MIX23: variants seen among roughly 807,000 people sequenced by gnomAD.
The protein encoded by MIX23 is protein MIX23.
MIX23 carries 13 observed loss-of-function variants against 21.6 expected under a neutral mutation model. That is an observed-to-expected ratio of 0.60 (90% CI 0.39 to 0.96). The LOEUF is 0.96. Ranked by LOEUF, MIX23 falls within the 40% of genes least tolerant of loss-of-function variation. The pLI is 0.00. For synonymous variants in MIX23, 59 were observed against 58.0 expected (o/e 1.02, Z -0.08); for missense variants, 144 against 171.2 (o/e 0.84, Z 0.89).
chr3:122,374,918 C>T lies in MIX23; in HGVS notation c.52-3118G>A, dbSNP rs373034800. On this transcript the variant is annotated intron_variant, in intron 1 of 4. Coordinates refer to ENST00000291458, the MANE Select transcript of MIX23 (RefSeq NM_001017928.4). ...CAGATAGACATCAAAAAAGGCTTTT[C>T]TGAGGATGTAACATTTGCGCTAAAA... Among the ~76,000 whole-genome samples the T allele has an allele frequency of 6.6e-5, 10 of 152,296 alleles. 1 individual carries two copies. Among genetic ancestry groups the T allele is most frequent in the East Asian group, 3.9e-4 (2 of 5,188 alleles).
chr3:122,367,118 A>C (rs2075402874), intron 3 of MIX23, among the ~76,000 whole-genome samples: 1 of 151,190 alleles, frequency 6.6e-6, no homozygotes, highest in Non-Finnish European at 1.5e-5. Context: ...AGACAGGGAG[A>C]GGGAGGAAGG....
In MIX23 at chr3:122,371,800, C is replaced by A; in HGVS notation, c.52G>T (p.Glu18Ter). The change falls in exon 2 of 5, where the codon GAA (glutamate) becomes TAA (stop). Residue 18 changes from glutamate (E) to a stop codon, truncating the protein, a stop_gained and splice_region_variant. Coordinates refer to ENST00000291458, the MANE Select transcript of MIX23 (RefSeq NM_001017928.4). LOFTEE classifies it high-confidence loss of function. ...VNCEEFAEFQ[E>*]LLKVMRTIDD... ...ATTGTCCTCATCACCTTGAGTAATT[C>A]CTATATGTATTTAAAATAAAAGAAT... 1.3e-6 allele frequency: 2 copies of A among 1,585,232 alleles called. No homozygotes were observed. Among genetic ancestry groups the A allele is most frequent in the Non-Finnish European group, 1.7e-6 (2 of 1,159,346 alleles).
intron 1 of MIX23, among the ~76,000 whole-genome samples, chr3:122,373,873 C>G (rs555561114): frequency 1.3e-5 from 2 of 152,040 alleles, no homozygotes; most frequent in African/African-American, 2.4e-5. Flanking sequence ...TCTTCTCGTC[C>G]TGTATCTTTC....
At chr3:122,362,517 TG>T (rs2075365212) in intron 4 of MIX23, among the ~76,000 whole-genome samples, 3 of 152,036 alleles carry the variant, frequency 2.0e-5, no homozygotes, top group Admixed American at 2.0e-4. Flanking sequence ...AGTCTCATTC[TG>T]TTGCCCAGGC....
Position 122,381,135 on chromosome 3 carries a change from G to A in MIX23, c.51+2039C>T, listed in dbSNP as rs149295843. ...ATACCCCTAGTCCCTGCCTGCCTAAGGCCCAACTCTCTAAATTCTTTCAGC... is the reference window on the plus strand; with the variant it reads ...ATACCCCTAGTCCCTGCCTGCCTAAAGCCCAACTCTCTAAATTCTTTCAGC... On this transcript the variant is annotated intron_variant, in intron 1 of 4. Coordinates refer to ENST00000291458, the MANE Select transcript of MIX23 (RefSeq NM_001017928.4). 2.7e-3 allele frequency among the ~76,000 whole-genome samples: 407 copies of A among 152,250 alleles called. 2 individuals carry two copies. Among genetic ancestry groups the A allele is most frequent in the African/African-American group, 9.5e-3 (393 of 41,528 alleles).
At chr3:122,368,551 C>T (rs1289083023) in intron 2 of MIX23, among the ~76,000 whole-genome samples, 1 of 152,146 alleles carries the variant, frequency 6.6e-6, no homozygotes, top group Non-Finnish European at 1.5e-5. Flanking sequence ...CTGTCCTCTT[C>T]CTCAATATGC....
chr3:122,374,784 C>T (rs910006374), intron 1 of MIX23, among the ~76,000 whole-genome samples: 6 of 152,084 alleles, frequency 3.9e-5, no homozygotes, highest in African/African-American at 1.4e-4. Flanking sequence ...AGAAATTAAA[C>T]AAGTGTCCTA....
chr3:122,382,536 G>A (rs745817503), intron 1 of MIX23, among the ~76,000 whole-genome samples: 9 of 152,162 alleles, frequency 5.9e-5, no homozygotes, highest in Non-Finnish European at 1.3e-4. Flanking sequence ...TGACTGAATT[G>A]GAACAGATAA....
intron 3 of MIX23, chr3:122,366,722 T>G (rs958920889): frequency 2.0e-5 from 3 of 152,096 alleles, no homozygotes; most frequent in South Asian, 2.1e-4. Context: ...GTGGATCACT[T>G]TGAGCTCAGG....
intron 1 of MIX23, among the ~76,000 whole-genome samples, chr3:122,373,276 G>GTT (rs11328387): frequency 1.4e-5 from 2 of 145,174 alleles, no homozygotes; most frequent in African/African-American, 2.5e-5. Flanking sequence ...TGTCTTGAAA[G>GTT]TTTTTTTTTT....
intron 1 of MIX23, among the ~76,000 whole-genome samples, chr3:122,373,346 A>C (rs2075457761): frequency 6.6e-6 from 1 of 151,676 alleles, no homozygotes; most frequent in Admixed American, 6.6e-5. Flanking sequence ...ATCTTGGCTC[A>C]CTGTAACCTC....
intron 1 of MIX23, among the ~76,000 whole-genome samples, chr3:122,381,404 T>A (rs1362069474): frequency 6.6e-6 from 1 of 152,088 alleles, no homozygotes; most frequent in African/African-American, 2.4e-5. Context: ...TGGGCCCTAA[T>A]CCGATAGAAC....
chr3:122,376,607 G>A (rs1038170018), intron 1 of MIX23, among the ~76,000 whole-genome samples: 5 of 151,970 alleles, frequency 3.3e-5, no homozygotes, highest in South Asian at 2.1e-4. Context: ...AAACAAGAAC[G>A]AAACTCTGTC....
chr3:122,368,776 A>C (rs2075416787), intron 2 of MIX23, among the ~76,000 whole-genome samples: 1 of 152,244 alleles, frequency 6.6e-6, no homozygotes, highest in Admixed American at 6.5e-5. Flanking sequence ...AACAAGTGAA[A>C]GAAATTATAA....
At chr3:122,381,158 A>G (rs1374610187) in intron 1 of MIX23, among the ~76,000 whole-genome samples, 1 of 152,192 alleles carries the variant, frequency 6.6e-6, no homozygotes, top group African/African-American at 2.4e-5. Context: ...AAATTCTTTC[A>G]GCATTTTATT....
In MIX23 at chr3:122,359,627, A is replaced by ATTT. The variant is rs139441254; in HGVS notation, c.*241_*242insAAA. On this transcript the variant is annotated 3_prime_UTR_variant, in exon 5 of 5. Coordinates refer to ENST00000291458, the MANE Select transcript of MIX23 (RefSeq NM_001017928.4). ...AGAAAATTATTTTAATAGTTACAAA[A>ATTT]ATTTTTTTTTTTTTTTTTTACAGAA... 0.066 allele frequency: 16,806 copies of ATTT among 253,194 alleles called. 833 individuals carry two copies. The highest frequency in any genetic ancestry group is 0.087 in the South Asian group (493 of 5,690). 15.7% of individuals were successfully genotyped at this position (253,194 alleles called of 1,614,324 possible). A position where few individuals can be genotyped will look rare whatever the true frequency, so the allele number is the denominator to read the frequency against.
chr3:122,364,147 G>GC (rs2075379494), intron 3 of MIX23, among the ~76,000 whole-genome samples: 1 of 152,208 alleles, frequency 6.6e-6, no homozygotes, highest in Non-Finnish European at 1.5e-5. Context: ...GAAATTTGTG[G>GC]CAACAACGAT....
At chr3:122,378,582 C>T (rs868764836) in intron 1 of MIX23, among the ~76,000 whole-genome samples, 6 of 152,322 alleles carry the variant, frequency 3.9e-5, no homozygotes, top group African/African-American at 1.2e-4. Flanking sequence ...GGCTACAAAC[C>T]TATACAGCAG....
At chr3:122,365,702 AGAG>A (rs2075391900) in intron 3 of MIX23, 2 of 152,202 alleles carry the variant, frequency 1.3e-5, no homozygotes, top group African/African-American at 4.8e-5. Flanking sequence ...AACACTCAGT[AGAG>A]TTTTGAACTT....
Sources: gnomAD v4.1 joint callset for allele counts (sites outside exome capture counted in the v4.1 genomes callset) on GRCh38, gnomAD v4.1.1 for gene constraint, MANE v1.5 for transcripts, NCBI Gene and HGNC (gene_info 2026-07-23, HGNC 2026-07-21) for gene names.